The following DENND5A variants were observed in gnomAD, a reference collection of about 807,000 sequenced individuals.
DENND5A encodes the protein DENN domain containing 5A.
DENND5A carries 64 observed loss-of-function variants against 140.3 expected under a neutral mutation model. That is an observed-to-expected ratio of 0.46 (90% CI 0.37 to 0.56). DENND5A has a LOEUF of 0.56. Among genes scored for constraint, DENND5A ranks in the 20% least tolerant of loss-of-function variants. The probability of loss-of-function intolerance (pLI) is 0.00; values close to 1 mark genes in which losing one functional copy is unlikely to be tolerated. For synonymous variants in DENND5A, 605 were observed against 607.7 expected (o/e 1.00, Z 0.07); for missense variants, 1,292 against 1,593.8 (o/e 0.81, Z 3.22).
Position 9,147,168 on chromosome 11 carries a change from A to G in DENND5A, c.2736-17T>C, listed in dbSNP as rs550750331. The stretch of plus-strand genomic sequence containing the variant: ...TATAACTTTCTGTTGGAGAGGAGGT[A>G]ATACATCAGTCTCCGACCAAAAGGA... On this transcript the variant is annotated splice_polypyrimidine_tract_variant and intron_variant, in intron 15 of 22. Coordinates refer to ENST00000328194, the MANE Select transcript of DENND5A (RefSeq NM_015213.4). 3.2e-5 allele frequency: 51 copies of G among 1,613,450 alleles called. No homozygotes were observed. In the South Asian group the frequency reaches 5.4e-4, roughly 17 times the overall value.
intron 1 of DENND5A, among the ~76,000 whole-genome samples, chr11:9,224,361 T>C (rs746638073): frequency 6.6e-6 from 1 of 152,200 alleles, no homozygotes; most frequent in Non-Finnish European, 1.5e-5. Flanking sequence ...TTTCTCCATC[T>C]GCATATAAGG....
At chr11:9,171,713 A>G (rs1032817769) in intron 8 of DENND5A, 3 of 151,780 alleles carry the variant, frequency 2.0e-5, no homozygotes, top group African/African-American at 4.9e-5. Context: ...AAAAAAAAAA[A>G]TGAGCCAGAC....
At chr11:9,220,450 G>A (rs1215896901) in intron 1 of DENND5A, among the ~76,000 whole-genome samples, 1 of 152,094 alleles carries the variant, frequency 6.6e-6, no homozygotes, top group Non-Finnish European at 1.5e-5. Context: ...GGGAAGCTGA[G>A]GCAGGAGAAT....
intron 8 of DENND5A, among the ~76,000 whole-genome samples, chr11:9,177,348 TA>T (rs1329759748): frequency 6.6e-6 from 1 of 150,776 alleles, no homozygotes; most frequent in Non-Finnish European, 1.5e-5. Context: ...CGAATGTGAA[TA>T]TGAAAAGCTT....
chr11:9,141,762 T>C (rs1361194388), intron 22 of DENND5A, among the ~76,000 whole-genome samples, 178 bp downstream of exon 22: 1 of 152,238 alleles, frequency 6.6e-6, no homozygotes, highest in Non-Finnish European at 1.5e-5. Context: ...GCACATTTTA[T>C]GCAGTGTGTG....
At chr11:9,249,741 G>A (rs1429735593) in intron 1 of DENND5A, among the ~76,000 whole-genome samples, 1 of 151,890 alleles carries the variant, frequency 6.6e-6, no homozygotes, top group Non-Finnish European at 1.5e-5. Context: ...GTAGAAATGG[G>A]GTTTCACCAT....
rs1444624610 is a variant in DENND5A at position 9,160,751 on chromosome 11, G to A, written c.2398C>T (p.Leu800=). ...AGTCCATGACTCCAGATCCTTTCCA[G>A]GAGATCACAAAGGCTGGCAATCAGG... ...NTLIASLCDL[L]ERIWSHGLQV... Residue 800 remains leucine, a synonymous_variant, in exon 12 of 23, where the codon CTG becomes TTG. Transcript: ENST00000328194. 1 of 1,613,720 alleles carries A rather than the reference G, an allele frequency of 6.2e-7. No individual in the cohort carries two copies. The highest frequency in any genetic ancestry group is 2.2e-5 in the East Asian group (1 of 44,888).
intron 14 of DENND5A, 34 bp downstream of exon 14, chr11:9,150,646 T>C: frequency 6.6e-7 from 1 of 1,515,826 alleles, no homozygotes; most frequent in Non-Finnish European, 9.1e-7. Context: ...AAAACAGGAT[T>C]TTAGTGGCTT....
chr11:9,261,221 G>A (rs181767318), intron 1 of DENND5A, among the ~76,000 whole-genome samples: 7 of 152,228 alleles, frequency 4.6e-5, no homozygotes, highest in Admixed American at 2.6e-4. Flanking sequence ...AAGGAACACC[G>A]AGCATCTTTG....
chr11:9,263,597 C>T (rs1417251168), intron 1 of DENND5A, among the ~76,000 whole-genome samples: 1 of 145,234 alleles, frequency 6.9e-6, no homozygotes, highest in Non-Finnish European at 1.5e-5. Context: ...AATCCCAGCA[C>T]TTTGGGAGGC....
intron 1 of DENND5A, among the ~76,000 whole-genome samples, chr11:9,224,966 A>G (rs1048035913): frequency 1.3e-5 from 2 of 152,000 alleles, no homozygotes; most frequent in Admixed American, 6.6e-5. Context: ...TTTACTGGTT[A>G]TAAAACAAAT....
In DENND5A at chr11:9,265,046, C is replaced by T; in HGVS notation, c.24G>A (p.Gly8=). The part of the protein sequence containing the change: MSGGGGG[G]GSAPSRFADY... ...CGGCGAAGCGACTGGGCGCCGAGCCCCCTCCGCCGCCGCCGCCACTCATGG... is the reference window on the plus strand; with the variant it reads ...CGGCGAAGCGACTGGGCGCCGAGCCTCCTCCGCCGCCGCCGCCACTCATGG... The change falls in exon 1 of 23, where the codon GGG becomes GGA. Residue 8 remains glycine (G), a synonymous_variant. Transcript: ENST00000328194. This position sits in a 1 kb window ranked among gnomAD's most constrained non-coding sequence, Gnocchi z 4.7. 1 of 1,553,412 alleles carries T rather than the reference C, an allele frequency of 6.4e-7. No individual in the cohort carries two copies. Among genetic ancestry groups the T allele is most frequent in the South Asian group, 1.2e-5 (1 of 84,920 alleles).
chr11:9,179,872 TCTA>T (rs1341249172), intron 6 of DENND5A, among the ~76,000 whole-genome samples: 1 of 151,972 alleles, frequency 6.6e-6, no homozygotes, highest in Non-Finnish European at 1.5e-5. Context: ...AAATATCTAG[TCTA>T]CTAAGCAAAA....
rs993454341 is a variant in DENND5A at position 9,256,462 on chromosome 11, G to GA, written c.109+8498dup. Among the ~76,000 whole-genome samples the GA allele has an allele frequency of 3.5e-3, 515 of 146,660 alleles. 1 individual carries two copies. Among genetic ancestry groups the GA allele is most frequent in the African/African-American group, 0.012 (484 of 40,058 alleles). ...GCAACAAGAATGAAACTCTGTCTCA[G>GA]AAAAAAAAAAGAAGAAAACAATCCA... On this transcript the variant is annotated intron_variant, in intron 1 of 22. Coordinates refer to ENST00000328194, the MANE Select transcript of DENND5A (RefSeq NM_015213.4).
Position 9,142,824 on chromosome 11 carries a change from G to A in DENND5A, c.3409C>T (p.Leu1137Phe). 1 of 1,614,196 alleles carries A rather than the reference G, an allele frequency of 6.2e-7. No homozygotes were observed. The highest frequency in any genetic ancestry group is 8.5e-7 in the Non-Finnish European group (1 of 1,180,022). ...EKERGSLTLL[L>F]CGECGLVSAL... ...GAGACAAGGCCACACTCTCCACAGA[G>A]CAACAGCGTCAGACTGCCTCGCTAC... is the stretch of plus-strand genomic sequence containing the variant. The change falls in exon 21 of 23, where the codon CTC becomes TTC. Residue 1137 changes from leucine to phenylalanine, a missense_variant. This residue lies in a region of DENND5A where 498 missense variants were observed against 689.7 expected (regional missense o/e 0.72). Coordinates refer to ENST00000328194, the MANE Select transcript of DENND5A (RefSeq NM_015213.4).
chr11:9,166,819 G>A (rs1239226384), intron 10 of DENND5A, among the ~76,000 whole-genome samples: 1 of 151,660 alleles, frequency 6.6e-6, no homozygotes, highest in East Asian at 1.9e-4. Context: ...GCGACAGAGC[G>A]AGACTCCATC....
chr11:9,153,005 A>G (rs1299159817), intron 12 of DENND5A, among the ~76,000 whole-genome samples: 1 of 149,700 alleles, frequency 6.7e-6, no homozygotes, highest in African/African-American at 2.5e-5. Context: ...CTCAAAAAAA[A>G]AAAAACAAAA....
rs368490790 is a variant in DENND5A, at chr11:9,193,685, G to C, written c.950-4C>G. 5 of 1,593,712 alleles carry C rather than the reference G, an allele frequency of 3.1e-6. No individual in the cohort carries two copies. Among genetic ancestry groups the C allele is most frequent in the Non-Finnish European group, 4.3e-6 (5 of 1,171,646 alleles). On this transcript the variant is annotated splice_region_variant and splice_polypyrimidine_tract_variant and intron_variant, in intron 4 of 22. Transcript: ENST00000328194. ...ACAGTCATCAGTCTCTGGTAATCTGGGTCAACAACAACAAAAAAAGCACAC... is the reference window on the plus strand; with the variant it reads ...ACAGTCATCAGTCTCTGGTAATCTGCGTCAACAACAACAAAAAAAGCACAC...
At chr11:9,203,042 T>C (rs1233112933) in intron 4 of DENND5A, among the ~76,000 whole-genome samples, 4 of 152,208 alleles carry the variant, frequency 2.6e-5, no homozygotes, top group Non-Finnish European at 4.4e-5. Context: ...TGTCCACCAC[T>C]ACCCTTGAAA....
Sources: allele counts gnomAD v4.1 joint callset (sites outside exome capture counted in the v4.1 genomes callset), GRCh38; gene constraint gnomAD v4.1.1; regional missense constraint gnomAD v4.1.1; non-coding constraint Gnocchi (gnomAD v3.1); transcripts MANE v1.5; gene names NCBI Gene and HGNC (gene_info 2026-07-23, HGNC 2026-07-21).